Variants in SFSWAP observed in about 807,000 individuals in gnomAD.
SFSWAP encodes the protein splicing factor, suppressor of white-apricot homolog.
Under a neutral mutation model 100.7 loss-of-function variants are expected in SFSWAP, and 17 were observed. The observed-to-expected ratio is 0.17, with a 90% CI of 0.12 to 0.25. SFSWAP has a LOEUF of 0.25. Among genes scored for constraint, SFSWAP ranks in the 10% least tolerant of loss-of-function variants. SFSWAP has a pLI of 1.00. For missense variants in SFSWAP, 1,005 were observed against 1,262.6 expected, an observed-to-expected ratio of 0.80 and a Z score of 3.09; for synonymous variants, 504 against 510.1, an observed-to-expected ratio of 0.99 and a Z score of 0.16.
chr12:131,791,289 T>C (rs1299121551), intron 15 of SFSWAP, among the ~76,000 whole-genome samples: 5 of 152,204 alleles, frequency 3.3e-5, no homozygotes, highest in Admixed American at 3.3e-4. Flanking sequence ...CTCGGGAGGC[T>C]GAGGCAGGAG....
rs796850106 is a variant in SFSWAP at position 131,778,533 on chromosome 12, T to C, written c.2408+203T>C. ...TGTTTTATACTTAACTTTTTCTTTTTTGAGACAGAGTTTTGTTCTTGTTGC... is the reference window on the plus strand; with the variant it reads ...TGTTTTATACTTAACTTTTTCTTTTCTGAGACAGAGTTTTGTTCTTGTTGC... On this transcript the variant is annotated intron_variant, in intron 14 of 17. Transcript: ENST00000261674. The surrounding 1 kb of genome is among the most constrained non-coding windows in gnomAD (Gnocchi z 4.2). 2.6e-5 allele frequency among the ~76,000 whole-genome samples: 4 copies of C among 152,224 alleles called. No homozygotes were observed. The highest frequency in any genetic ancestry group is 4.1e-4 in the South Asian group (2 of 4,830).
At chr12:131,785,720 C>T (rs1884842461) in intron 14 of SFSWAP, 1 of 153,804 alleles carries the variant, frequency 6.5e-6, no homozygotes, top group East Asian at 1.9e-4. Context: ...TTTCCAGGCA[C>T]ATGAGGAGGA....
At chr12:131,720,514 T>C (rs1008154653) in intron 4 of SFSWAP, among the ~76,000 whole-genome samples, 5 of 152,220 alleles carry the variant, frequency 3.3e-5, no homozygotes, top group Admixed American at 1.3e-4. Flanking sequence ...AGTTTTTTCT[T>C]GGACATTTTC....
intron 13 of SFSWAP, among the ~76,000 whole-genome samples, chr12:131,775,999 G>C (rs1210548338): frequency 6.6e-6 from 1 of 152,064 alleles, no homozygotes; most frequent in Non-Finnish European, 1.5e-5. Context: ...CTACTCAGGA[G>C]GCTGAGGCAC....
chr12:131,711,367 G>A lies in SFSWAP; in HGVS notation c.138G>A (p.Arg46=), dbSNP rs376444786. Residue 46 remains arginine, a synonymous_variant, in exon 1 of 18, where the codon CGG becomes CGA. Coordinates refer to ENST00000261674, the MANE Select transcript of SFSWAP (RefSeq NM_004592.4). The surrounding 1 kb of genome is among the most constrained non-coding windows in gnomAD (Gnocchi z 4.9). ...TCGGCTATGCCTGCAAGCTGTTCCGGGACGACGAGCGGGCCCTGGCTCAGG... is the reference window on the plus strand; with the variant it reads ...TCGGCTATGCCTGCAAGCTGTTCCGAGACGACGAGCGGGCCCTGGCTCAGG... ...LVFGYACKLF[R]DDERALAQEQ... 9 of 1,613,872 alleles carry A rather than the reference G, an allele frequency of 5.6e-6. No homozygotes were observed. The African/African-American group carries it at 1.1e-4, about 19-fold the overall frequency.
At chr12:131,762,064 T>C (rs1882719627) in intron 11 of SFSWAP, among the ~76,000 whole-genome samples, 1 of 152,070 alleles carries the variant, frequency 6.6e-6, no homozygotes, top group African/African-American at 2.4e-5. Context: ...GAAACCCATC[T>C]CTACTAAAAA....
intron 3 of SFSWAP, 117 bp downstream of exon 3, chr12:131,715,070 AC>A: frequency 2.0e-6 from 2 of 980,166 alleles, no homozygotes; most frequent in South Asian, 1.8e-5. Context: ...CACCACTATG[AC>A]CACAGGAGAA....
intron 13 of SFSWAP, among the ~76,000 whole-genome samples, chr12:131,773,142 G>A (rs1023703142): frequency 6.6e-6 from 1 of 152,140 alleles, no homozygotes; most frequent in African/African-American, 2.4e-5. Context: ...TTTGGGCCAC[G>A]GGTCCAGGCT....
chr12:131,729,290 G>T, intron 7 of SFSWAP, among the ~76,000 whole-genome samples: 1 of 151,996 alleles, frequency 6.6e-6, no homozygotes, highest in East Asian at 1.9e-4. Flanking sequence ...GATCACTTAC[G>T]CACAGGAGTT....
intron 7 of SFSWAP, among the ~76,000 whole-genome samples, chr12:131,741,882 C>G (rs1880674308): frequency 6.6e-6 from 1 of 152,168 alleles, no homozygotes; most frequent in Non-Finnish European, 1.5e-5. Context: ...CATGCTACTT[C>G]CCTCCGCTGC....
At chr12:131,724,738 T>C (rs1191416539) in intron 4 of SFSWAP, among the ~76,000 whole-genome samples, 4 of 152,218 alleles carry the variant, frequency 2.6e-5, no homozygotes, top group African/African-American at 9.6e-5. Context: ...GGGGGAGGGC[T>C]TTGATGCTGG....
At chr12:131,740,867 G>A (rs915389827) in intron 7 of SFSWAP, among the ~76,000 whole-genome samples, 3 of 151,968 alleles carry the variant, frequency 2.0e-5, no homozygotes, top group African/African-American at 4.8e-5. Flanking sequence ...GGGTGTGGAG[G>A]CAGCTGCAGA....
rs71072786 is a variant in SFSWAP, at chr12:131,738,975, C to CCTCAACTTCCCAGG, written c.1081+10552_1081+10553insCTTCCCAGGCTCAA. Among the ~76,000 whole-genome samples the CCTCAACTTCCCAGG allele has an allele frequency of 2.2e-4, 32 of 145,920 alleles. No homozygotes were observed. In the East Asian group the frequency reaches 4.0e-3, roughly 18 times the overall value. ...GTAGCGTGATCTTGGCTCACTGCAA[C>CCTCAACTTCCCAGG]CTCAAGCTATCCTCCCACCTCAGCC... On this transcript the variant is annotated intron_variant, in intron 7 of 17. Coordinates refer to ENST00000261674, the MANE Select transcript of SFSWAP (RefSeq NM_004592.4).
intron 14 of SFSWAP, among the ~76,000 whole-genome samples, chr12:131,779,561 G>A (rs1884330961): frequency 6.6e-6 from 1 of 152,178 alleles, no homozygotes; most frequent in Non-Finnish European, 1.5e-5. Flanking sequence ...TACACCTTGG[G>A]TTCGCTGCTG....
chr12:131,781,560 G>A (rs985369529), intron 14 of SFSWAP, among the ~76,000 whole-genome samples: 1 of 152,074 alleles, frequency 6.6e-6, no homozygotes, highest in Non-Finnish European at 1.5e-5. Flanking sequence ...TATATTCACT[G>A]CTGACAAGTC....
intron 1 of SFSWAP, chr12:131,713,277 C>G (rs1045270507): frequency 6.6e-6 from 1 of 152,174 alleles, no homozygotes; most frequent in African/African-American, 2.4e-5. Context: ...AAAAGCATAG[C>G]AGAAAGTGCT....
chr12:131,714,614 G>A lies in SFSWAP; in HGVS notation c.389-208G>A, dbSNP rs963496753. Reference sequence around the variant, plus strand: ...CAGGAAGAAATTTTCCACAAAAGACGTGTATTCAGCTGTCTGTGGGTAAAC... The same window carrying A: ...CAGGAAGAAATTTTCCACAAAAGACATGTATTCAGCTGTCTGTGGGTAAAC... On this transcript the variant is annotated intron_variant, in intron 2 of 17. Coordinates refer to ENST00000261674, the MANE Select transcript of SFSWAP (RefSeq NM_004592.4). This position sits in a 1 kb window ranked among gnomAD's most constrained non-coding sequence, Gnocchi z 6.0. 11 of 549,688 alleles carry A rather than the reference G, an allele frequency of 2.0e-5. No homozygotes were observed. Among genetic ancestry groups the A allele is most frequent in the Middle Eastern group, 4.9e-4 (1 of 2,060 alleles). 34.1% of individuals were successfully genotyped at this position (549,688 alleles called of 1,614,324 possible).
At chr12:131,753,087 C>T (rs201335882) in intron 7 of SFSWAP, 36 bp from the exon 8 acceptor site, 49 of 1,609,818 alleles carry the variant, frequency 3.0e-5, no homozygotes, top group Admixed American at 6.7e-5. Context: ...AGCCTGTGGC[C>T]GGCCATGCTC....
chr12:131,748,791 A>G (rs964734746), intron 7 of SFSWAP, among the ~76,000 whole-genome samples: 1 of 152,228 alleles, frequency 6.6e-6, no homozygotes, highest in African/African-American at 2.4e-5. Context: ...TCGTCATACA[A>G]CTATACTTGC....
Sources: gnomAD v4.1 joint callset for allele counts (sites outside exome capture counted in the v4.1 genomes callset) on GRCh38, gnomAD v4.1.1 for gene constraint, Gnocchi (gnomAD v3.1) non-coding constraint, MANE v1.5 for transcripts, NCBI Gene and HGNC (gene_info 2026-07-23, HGNC 2026-07-21) for gene names.